ZNF143: variants seen among roughly 807,000 people sequenced by gnomAD.
ZNF143 encodes SPH-binding factor.
A neutral mutation model predicts 74.1 loss-of-function variants in ZNF143; 49 were observed. The ratio of observed to expected loss-of-function variants is 0.66; its 90% CI spans 0.53 to 0.84. The LOEUF (loss-of-function observed/expected upper bound fraction) is 0.84, where lower values mean the gene tolerates loss of function less well. Ranked by LOEUF, ZNF143 falls within the 40% of genes least tolerant of loss-of-function variation. ZNF143 has a pLI of 0.00. For synonymous variants in ZNF143, 304 were observed against 282.8 expected (o/e 1.07, Z -0.75); for missense variants, 637 against 793.4 (o/e 0.80, Z 2.37).
intron 7 of ZNF143, among the ~76,000 whole-genome samples, chr11:9,489,344 C>T (rs1476386193): frequency 6.6e-6 from 1 of 152,128 alleles, no homozygotes; most frequent in African/African-American, 2.4e-5. Flanking sequence ...TGTCCCCACC[C>T]CACAGGCACA....
chr11:9,472,582 A>C (rs1329336495), intron 2 of ZNF143, 95 bp from the exon 3 acceptor site: 2 of 1,076,454 alleles, frequency 1.9e-6, no homozygotes. Context: ...TGAGTTAAGC[A>C]GTTTACCTTT....
intron 7 of ZNF143, among the ~76,000 whole-genome samples, chr11:9,492,429 A>C (rs913234325): frequency 6.6e-6 from 1 of 151,900 alleles, no homozygotes; most frequent in Non-Finnish European, 1.5e-5. Context: ...TTGTATTTTT[A>C]GTAGAGACAG....
chr11:9,475,475 C>T (rs1246578849), intron 5 of ZNF143, among the ~76,000 whole-genome samples: 2 of 151,804 alleles, frequency 1.3e-5, no homozygotes. Flanking sequence ...AATATAGGGT[C>T]TTGCTATGTT....
At chr11:9,510,875 A>G (rs1046686382) in intron 12 of ZNF143, among the ~76,000 whole-genome samples, 1 of 152,124 alleles carries the variant, frequency 6.6e-6, no homozygotes, top group African/African-American at 2.4e-5. Context: ...TTTATGAAAT[A>G]AAGAAGTGAT....
chr11:9,466,133 C>T (rs1856197312), intron 1 of ZNF143, among the ~76,000 whole-genome samples: 1 of 151,892 alleles, frequency 6.6e-6, no homozygotes, highest in Admixed American at 6.6e-5. Context: ...CAGGCACCTG[C>T]CACCACATCT....
chr11:9,523,519 G>C (rs1849013495), intron 14 of ZNF143, among the ~76,000 whole-genome samples: 1 of 149,742 alleles, frequency 6.7e-6, no homozygotes, highest in Non-Finnish European at 1.5e-5. Flanking sequence ...GGATCACGAG[G>C]TCAGGAGATC....
chr11:9,486,383 AT>A (rs1366436253), intron 7 of ZNF143, among the ~76,000 whole-genome samples: 2 of 25,260 alleles, frequency 7.9e-5, no homozygotes, highest in South Asian at 8.1e-4. Flanking sequence ...TATATTATAT[AT>A]ATAATATATA....
intron 7 of ZNF143, among the ~76,000 whole-genome samples, chr11:9,486,965 G>GT (rs1471869563): frequency 7.1e-6 from 1 of 140,422 alleles, no homozygotes; most frequent in African/African-American, 2.7e-5. Flanking sequence ...ACTGCACCTG[G>GT]CCCTTTTTTT....
chr11:9,508,826 CCTT>C lies in ZNF143; in HGVS notation c.1359_1361del (p.Phe454del). 1.9e-6 allele frequency: 3 copies of C among 1,594,658 alleles called. No individual in the cohort carries two copies. The highest frequency in any genetic ancestry group is 2.6e-6 in the Non-Finnish European group (3 of 1,169,858). ...GAGCCCATCGAGGAGGAGCAGGAAG[CCTT>C]CTTTGAGCCGCCCCCAGGTGAGAGT... On this transcript the variant is annotated inframe_deletion, in exon 12 of 16. Transcript: ENST00000396602.
At chr11:9,486,445 T>TATATTATATATATTATATATTA (rs374989379) in intron 7 of ZNF143, among the ~76,000 whole-genome samples, 1 of 35,468 alleles carries the variant, frequency 2.8e-5, no homozygotes, top group Non-Finnish European at 6.6e-5. Context: ...ATATAATATA[T>TATATTATATATATTATATATTA]TATATATATT....
intron 7 of ZNF143, among the ~76,000 whole-genome samples, chr11:9,493,253 G>C (rs538607642): frequency 3.3e-5 from 5 of 152,016 alleles, no homozygotes; most frequent in African/African-American, 1.2e-4. Context: ...TGTATTTTTA[G>C]TAGAGATGAG....
At chr11:9,505,411 A>C (rs188903878) in intron 11 of ZNF143, among the ~76,000 whole-genome samples, 3 of 152,168 alleles carry the variant, frequency 2.0e-5, no homozygotes, top group Admixed American at 1.3e-4. Flanking sequence ...CTGGGATTAC[A>C]GGCGCATGTC....
intron 1 of ZNF143, 121 bp from the exon 2 acceptor site, chr11:9,471,181 T>G (rs182360121): frequency 1.3e-6 from 1 of 774,692 alleles, no homozygotes; most frequent in Admixed American, 3.1e-5. Flanking sequence ...TGAGTGAAAT[T>G]TCATCTTATT....
chr11:9,509,331 G>T (rs1025583624), intron 12 of ZNF143, among the ~76,000 whole-genome samples: 2 of 152,124 alleles, frequency 1.3e-5, no homozygotes, highest in African/African-American at 2.4e-5. Flanking sequence ...TAAGCATGTT[G>T]GTCTTAATCG....
chr11:9,474,677 G>C, intron 5 of ZNF143, 44 bp downstream of exon 5: 1 of 1,557,022 alleles, frequency 6.4e-7, no homozygotes. Flanking sequence ...GGAGAAGTGG[G>C]AGTGGTGGGG....
Position 9,473,129 on chromosome 11 carries a change from G to A in ZNF143, c.205+360G>A, listed in dbSNP as rs993020955. 5.3e-5 allele frequency among the ~76,000 whole-genome samples: 8 copies of A among 151,954 alleles called. No individual in the cohort carries two copies. In the East Asian group the frequency reaches 7.7e-4, roughly 15 times the overall value. On this transcript the variant is annotated intron_variant, in intron 3 of 15. Coordinates refer to ENST00000396602, the MANE Select transcript of ZNF143 (RefSeq NM_003442.6). ...TTTGGGGCCGGGCATGGTGGTTCAC[G>A]CCTGTAATCCCAACGCTTTGGAAGG...
At chr11:9,479,102 A>G (rs904406266) in intron 6 of ZNF143, among the ~76,000 whole-genome samples, 5 of 152,038 alleles carry the variant, frequency 3.3e-5, no homozygotes, top group Non-Finnish European at 7.4e-5. Context: ...TGCATTGAAC[A>G]TGTATCTCTC....
At chr11:9,491,731 G>A (rs546600418) in intron 7 of ZNF143, among the ~76,000 whole-genome samples, 3 of 152,166 alleles carry the variant, frequency 2.0e-5, no homozygotes, top group Non-Finnish European at 4.4e-5. Context: ...CTGGACTCGC[G>A]CGATCCTCTC....
chr11:9,476,706 T>A (rs1590521523), intron 5 of ZNF143, among the ~76,000 whole-genome samples: 1 of 147,444 alleles, frequency 6.8e-6, no homozygotes, highest in East Asian at 2.0e-4. Context: ...CATAACACGT[T>A]TTAGAAAGGC....
Sources: gnomAD v4.1 joint callset for allele counts (sites outside exome capture counted in the v4.1 genomes callset) on GRCh38, gnomAD v4.1.1 for gene constraint, MANE v1.5 for transcripts, NCBI Gene and HGNC (gene_info 2026-07-23, HGNC 2026-07-21) for gene names.